Variants in ENOX1 observed in about 807,000 individuals in gnomAD.
The protein encoded by ENOX1 is ecto-NOX disulfide-thiol exchanger 1, also known as candidate growth-related and time keeping constitutive hydroquinone (NADH) oxidase.
Under a neutral mutation model 82.5 loss-of-function variants are expected in ENOX1, and 42 were observed. The ratio of observed to expected loss-of-function variants is 0.51; its 90% CI spans 0.40 to 0.66. ENOX1 has a LOEUF of 0.66. Among genes scored for constraint, ENOX1 ranks in the 30% least tolerant of loss-of-function variants. ENOX1 has a pLI of 0.00. For synonymous variants in ENOX1, 271 were observed against 282.2 expected (o/e 0.96, Z 0.40); for missense variants, 608 against 811.6 (o/e 0.75, Z 3.05).
chr13:43,402,687 C>G (rs867473452), intron 5 of ENOX1, among the ~76,000 whole-genome samples: 3 of 152,180 alleles, frequency 2.0e-5, no homozygotes, highest in Non-Finnish European at 4.4e-5. Flanking sequence ...AAGTCCCCTA[C>G]GCAATTAATC....
chr13:43,509,864 A>G (rs1375940319), intron 2 of ENOX1, among the ~76,000 whole-genome samples: 1 of 151,640 alleles, frequency 6.6e-6, no homozygotes, highest in Non-Finnish European at 1.5e-5. Flanking sequence ...TGTCTCCCCA[A>G]CCCCCAACAC....
rs1046385503 is a variant in ENOX1, at chr13:43,213,421, G to A, written c.*569C>T. The A allele has an allele frequency of 1.3e-5, 2 of 151,850 alleles. No homozygotes were observed. Among genetic ancestry groups the A allele is most frequent in the Non-Finnish European group, 2.9e-5 (2 of 67,982 alleles). 9.4% of individuals were successfully genotyped at this position (151,850 alleles called of 1,614,324 possible). A position where few individuals can be genotyped will look rare whatever the true frequency, so the allele number is the denominator to read the frequency against. On this transcript the variant is annotated 3_prime_UTR_variant, in exon 17 of 17. Transcript: ENST00000690772. Reference sequence around the variant, plus strand: ...CTCTTCAATAAGGCAAAAGTCCCTGGAACAGCATATAACTTAATTTACAAA... The same window carrying A: ...CTCTTCAATAAGGCAAAAGTCCCTGAAACAGCATATAACTTAATTTACAAA...
intron 1 of ENOX1, among the ~76,000 whole-genome samples, chr13:43,717,183 C>G (rs543775983): frequency 9.2e-5 from 14 of 152,000 alleles, no homozygotes; most frequent in Non-Finnish European, 1.8e-4. Flanking sequence ...GGTACTGGTA[C>G]AAAAAAAGAT....
At chr13:43,388,686 C>T (rs868262633) in intron 5 of ENOX1, among the ~76,000 whole-genome samples, 1 of 152,140 alleles carries the variant, frequency 6.6e-6, no homozygotes, top group Non-Finnish European at 1.5e-5. Context: ...TAACTGCCCT[C>T]GGGTGGGTAG....
intron 1 of ENOX1, among the ~76,000 whole-genome samples, chr13:43,772,748 T>TAAAAA (rs1475861448): frequency 1.4e-5 from 1 of 70,164 alleles, no homozygotes; most frequent in African/African-American, 8.4e-5. Context: ...GACTCTGTCT[T>TAAAAA]TAAAAAAAAA....
intron 1 of ENOX1, among the ~76,000 whole-genome samples, chr13:43,721,023 A>G (rs1357458201): frequency 6.6e-6 from 1 of 152,176 alleles, no homozygotes; most frequent in Non-Finnish European, 1.5e-5. Context: ...AGGGCAACCC[A>G]TTATTTATTT....
intron 2 of ENOX1, among the ~76,000 whole-genome samples, chr13:43,594,000 T>C (rs2081356346): frequency 1.3e-5 from 2 of 152,128 alleles, no homozygotes; most frequent in Non-Finnish European, 2.9e-5. Flanking sequence ...GATTGTCTCT[T>C]ACTGCGCCCA....
At chr13:43,276,627 A>C (rs929102417) in intron 12 of ENOX1, among the ~76,000 whole-genome samples, 1 of 152,284 alleles carries the variant, frequency 6.6e-6, no homozygotes, top group Non-Finnish European at 1.5e-5. Flanking sequence ...CTTGTTTTCC[A>C]TCTGACACTG....
chr13:43,397,688 T>C lies in ENOX1; in HGVS notation c.208+14228A>G, dbSNP rs188352709. ...CTCAAGGTCAAAATTATATCTTCTA[T>C]GATAGATAGCAAGATAATGTCCCTG... On this transcript the variant is annotated intron_variant, in intron 5 of 16. Transcript: ENST00000690772. 7.4e-4 allele frequency among the ~76,000 whole-genome samples: 113 copies of C among 152,352 alleles called. 2 individuals are homozygous for C. The highest frequency in any genetic ancestry group is 3.2e-4 in the Non-Finnish European group (22 of 68,028).
At chr13:43,434,403 G>A (rs2055869655) in intron 3 of ENOX1, among the ~76,000 whole-genome samples, 2 of 152,262 alleles carry the variant, frequency 1.3e-5, no homozygotes, top group East Asian at 1.9e-4. Flanking sequence ...CCACACGCCA[G>A]TGCTCACAGC....
intron 14 of ENOX1, among the ~76,000 whole-genome samples, chr13:43,253,253 G>C (rs1000637801): frequency 6.6e-6 from 1 of 151,824 alleles, no homozygotes; most frequent in Non-Finnish European, 1.5e-5. Context: ...CACTTAGGCA[G>C]CTCTTCCTGT....
intron 1 of ENOX1, among the ~76,000 whole-genome samples, chr13:43,770,617 G>C (rs961549402): frequency 1.3e-5 from 2 of 150,942 alleles, no homozygotes; most frequent in Middle Eastern, 3.4e-3. Context: ...TGAAAAAATG[G>C]ATTATATAAT....
At chr13:43,252,626 G>A (rs564986937) in intron 14 of ENOX1, among the ~76,000 whole-genome samples, 3 of 152,342 alleles carry the variant, frequency 2.0e-5, no homozygotes, top group East Asian at 3.9e-4. Context: ...TTAGGAACAC[G>A]TGGAGGAGAT....
intron 2 of ENOX1, among the ~76,000 whole-genome samples, chr13:43,644,545 C>T (rs2083808339): frequency 6.6e-6 from 1 of 152,136 alleles, no homozygotes; most frequent in African/African-American, 2.4e-5. Flanking sequence ...GAATTTAAAG[C>T]TTCACCCAAG....
intron 5 of ENOX1, among the ~76,000 whole-genome samples, chr13:43,405,899 T>A (rs1312784332): frequency 1.3e-5 from 2 of 152,230 alleles, no homozygotes; most frequent in Admixed American, 1.3e-4. Flanking sequence ...ATAGCACCCT[T>A]TATCTATTAG....
chr13:43,298,902 C>G (rs2046419976), intron 11 of ENOX1, among the ~76,000 whole-genome samples: 1 of 152,142 alleles, frequency 6.6e-6, no homozygotes, highest in Non-Finnish European at 1.5e-5. Context: ...ATATTGTCTT[C>G]CCCCTTTCTA....
rs74564264 is a variant in ENOX1 at position 43,750,942 on chromosome 13, C to G, written c.-285+35710G>C. 9.0e-3 allele frequency among the ~76,000 whole-genome samples: 1,367 copies of G among 152,276 alleles called. 21 individuals are homozygous for G. The highest frequency in any genetic ancestry group is 0.031 in the African/African-American group (1,295 of 41,558). On this transcript the variant is annotated intron_variant, in intron 1 of 16. Coordinates refer to ENST00000690772, the MANE Select transcript of ENOX1 (RefSeq NM_001347969.2). Reference sequence around the variant, plus strand: ...TAATCTTCCTGGAACACAAACGTGGCCTGTTACTCCTCAGATTAGACACCT... The same window carrying G: ...TAATCTTCCTGGAACACAAACGTGGGCTGTTACTCCTCAGATTAGACACCT...
intron 1 of ENOX1, among the ~76,000 whole-genome samples, chr13:43,690,317 A>C (rs1184080367): frequency 3.3e-5 from 5 of 151,960 alleles, no homozygotes; most frequent in Admixed American, 3.3e-4. Flanking sequence ...GCACTCATAG[A>C]AAAAACAAAA....
chr13:43,344,833 A>G (rs1201089430), intron 8 of ENOX1, 83 bp from the exon 9 acceptor site: 10 of 1,388,504 alleles, frequency 7.2e-6, no homozygotes, highest in Non-Finnish European at 1.0e-5. Context: ...AAGACAGAGC[A>G]TAGTCCAACC....
Sources: allele counts gnomAD v4.1 joint callset (sites outside exome capture counted in the v4.1 genomes callset), GRCh38; gene constraint gnomAD v4.1.1; transcripts MANE v1.5; gene names NCBI Gene and HGNC (gene_info 2026-07-23, HGNC 2026-07-21).